Variants in EPC1 observed in about 807,000 individuals in gnomAD.
EPC1 encodes enhancer of polycomb homolog 1.
EPC1 carries 12 observed loss-of-function variants against 98.4 expected under a neutral mutation model. The observed-to-expected ratio is 0.12, with a 90% CI of 0.08 to 0.20. The LOEUF is 0.20. EPC1 is among the 10% of genes least tolerant of loss of function. The probability of loss-of-function intolerance (pLI) is 1.00; values close to 1 mark genes in which losing one functional copy is unlikely to be tolerated. For synonymous variants in EPC1, 357 were observed against 363.9 expected (o/e 0.98, Z 0.21); for missense variants, 729 against 990.5 (o/e 0.74, Z 3.54).
intron 2 of EPC1, among the ~76,000 whole-genome samples, chr10:32,297,625 G>T (rs1016531254): frequency 6.6e-6 from 1 of 152,038 alleles, no homozygotes; most frequent in Non-Finnish European, 1.5e-5. Flanking sequence ...CACTGTGTAA[G>T]CTGGCTCCTT....
At chr10:32,302,300 TTA>T (rs1213719617) in intron 2 of EPC1, among the ~76,000 whole-genome samples, 2 of 151,874 alleles carry the variant, frequency 1.3e-5, no homozygotes, top group African/African-American at 4.8e-5. Context: ...GTCTAGAATA[TTA>T]TCTTTTTAAA....
At chr10:32,293,840 A>G (rs1420139622) in intron 2 of EPC1, 103 bp from the exon 3 acceptor site, 1 of 1,121,680 alleles carries the variant, frequency 8.9e-7, no homozygotes, top group South Asian at 2.0e-5. Flanking sequence ...TAAAGAAATA[A>G]GAAAGAATTC....
intron 1 of EPC1, among the ~76,000 whole-genome samples, chr10:32,360,797 G>A (rs1462189897): frequency 6.6e-6 from 1 of 152,060 alleles, no homozygotes; most frequent in African/African-American, 2.4e-5. Flanking sequence ...GGGAGGTTGA[G>A]GCAGGAGAAT....
At position 32,309,225 on chromosome 10, in the gene EPC1, T is replaced by A. The variant is rs11008873; in HGVS notation, c.154-3294A>T. ...AACAGTATTTGATAGCACAGCAGGA[T>A]GATGACAACCAACAATAATTTATTA... On this transcript the variant is annotated intron_variant, in intron 1 of 13. Coordinates refer to ENST00000319778, the MANE Select transcript of EPC1 (RefSeq NM_001272004.3). Among the ~76,000 whole-genome samples the A allele has an allele frequency of 5.3e-3, 809 of 152,242 alleles. 13 individuals are homozygous for A. The highest frequency in any genetic ancestry group is 0.019 in the African/African-American group (784 of 41,544).
At chr10:32,292,126 T>C (rs1475265568) in intron 5 of EPC1, 1 of 153,694 alleles carries the variant, frequency 6.5e-6, no homozygotes, top group East Asian at 1.9e-4. Flanking sequence ...AGTGGTAAGA[T>C]ATATGGGCCT....
chr10:32,378,641 C>T, exon 1 of EPC1: 1 of 545,374 alleles, frequency 1.8e-6, no homozygotes, highest in Non-Finnish European at 3.1e-6. Flanking sequence ...GTAATACTTT[C>T]TTCCATGATC....
At chr10:32,361,811 A>G (rs1839451504) in intron 1 of EPC1, among the ~76,000 whole-genome samples, 1 of 152,228 alleles carries the variant, frequency 6.6e-6, no homozygotes, top group Non-Finnish European at 1.5e-5. Context: ...ACTGGGCTGC[A>G]TTCCCAGACA....
At chr10:32,363,643 T>C (rs1839507162) in intron 1 of EPC1, among the ~76,000 whole-genome samples, 1 of 146,514 alleles carries the variant, frequency 6.8e-6, no homozygotes, top group Non-Finnish European at 1.5e-5. Context: ...TCTCTTTCAA[T>C]TCACAAAAAT....
intron 1 of EPC1, among the ~76,000 whole-genome samples, chr10:32,339,865 G>A (rs1838227460): frequency 6.6e-6 from 1 of 152,172 alleles, no homozygotes; most frequent in South Asian, 2.1e-4. Context: ...TAAGTGACTT[G>A]TCAATGGATA....
At chr10:32,308,004 T>C (rs1018993491) in intron 1 of EPC1, among the ~76,000 whole-genome samples, 6 of 152,230 alleles carry the variant, frequency 3.9e-5, no homozygotes, top group Admixed American at 6.5e-5. Flanking sequence ...CTTTAGAACA[T>C]AGCATTCAAG....
chr10:32,366,131 C>G (rs936994655), intron 1 of EPC1, among the ~76,000 whole-genome samples: 1 of 151,992 alleles, frequency 6.6e-6, no homozygotes, highest in East Asian at 1.9e-4. Context: ...GAAACTCAGG[C>G]TAAAAACAAC....
intron 13 of EPC1, among the ~76,000 whole-genome samples, chr10:32,269,946 G>A (rs556370434): frequency 1.3e-5 from 2 of 152,302 alleles, no homozygotes; most frequent in African/African-American, 4.8e-5. Context: ...AGTGCTCCAG[G>A]AATCTGGAAT....
chr10:32,281,506 G>A (rs896930959), intron 10 of EPC1, among the ~76,000 whole-genome samples: 2 of 152,134 alleles, frequency 1.3e-5, no homozygotes, highest in African/African-American at 2.4e-5. Context: ...AATTACTACT[G>A]AATGAGGTAA....
At chr10:32,288,894 C>G (rs777420794) in intron 6 of EPC1, among the ~76,000 whole-genome samples, 1 of 151,954 alleles carries the variant, frequency 6.6e-6, no homozygotes, top group South Asian at 2.1e-4. Flanking sequence ...TTGAGACCAT[C>G]CTGGCTAACA....
intron 1 of EPC1, chr10:32,377,437 T>G (rs186053975): frequency 3.1e-4 from 47 of 152,202 alleles, no homozygotes; most frequent in Admixed American, 3.1e-3. Context: ...AAAATGTTAC[T>G]AAAAGGATAA....
intron 1 of EPC1, among the ~76,000 whole-genome samples, chr10:32,324,471 A>AG (rs1235818903): frequency 6.6e-6 from 1 of 151,098 alleles, no homozygotes; most frequent in African/African-American, 2.4e-5. Flanking sequence ...GCCAGGCTGC[A>AG]GTGAGCCGAG....
At chr10:32,326,232 T>C (rs1355198744) in intron 1 of EPC1, among the ~76,000 whole-genome samples, 1 of 152,198 alleles carries the variant, frequency 6.6e-6, no homozygotes, top group Non-Finnish European at 1.5e-5. Flanking sequence ...TCTGGTATGA[T>C]TGTACTTTCT....
chr10:32,331,438 T>C (rs1286229956), intron 1 of EPC1, among the ~76,000 whole-genome samples: 1 of 151,918 alleles, frequency 6.6e-6, no homozygotes, highest in African/African-American at 2.4e-5. Context: ...AACTTTCAGA[T>C]TAGAGAGAAG....
intron 1 of EPC1, among the ~76,000 whole-genome samples, chr10:32,353,178 A>G (rs1042009175): frequency 3.3e-5 from 5 of 151,988 alleles, no homozygotes; most frequent in Non-Finnish European, 7.4e-5. Context: ...AAAAAGCAAA[A>G]AAAGAAATCC....
Sources: allele counts gnomAD v4.1 joint callset (sites outside exome capture counted in the v4.1 genomes callset), GRCh38; gene constraint gnomAD v4.1.1; transcripts MANE v1.5; gene names NCBI Gene and HGNC (gene_info 2026-07-23, HGNC 2026-07-21).